Variants in EFNA5 observed in about 807,000 individuals in gnomAD.
EFNA5 encodes ephrin-A5.
A neutral mutation model predicts 22.9 loss-of-function variants in EFNA5; 5 were observed. The ratio of observed to expected loss-of-function variants is 0.22; its 90% CI spans 0.11 to 0.46. The LOEUF (loss-of-function observed/expected upper bound fraction) is 0.46. Among genes scored for constraint, EFNA5 ranks in the 20% least tolerant of loss-of-function variants. The pLI is 0.99. For synonymous variants in EFNA5, 113 were observed against 112.2 expected, an observed-to-expected ratio of 1.01 and a Z score of -0.04; for missense variants, 237 against 293.3, an observed-to-expected ratio of 0.81 and a Z score of 1.40.
At chr5:107,670,452 C>A (rs1310385312) in intron 1 of EFNA5, 37 bp downstream of exon 1, 1 of 1,533,110 alleles carries the variant, frequency 6.5e-7, no homozygotes, top group African/African-American at 1.4e-5. Context: ...GCCCCGAGGC[C>A]CGGGTAGCCC....
chr5:107,571,970 G>A (rs1003339897), intron 1 of EFNA5, among the ~76,000 whole-genome samples: 1 of 152,000 alleles, frequency 6.6e-6, no homozygotes, highest in Non-Finnish European at 1.5e-5. Context: ...CAGACGGCAG[G>A]GATGGCAAAG....
chr5:107,574,645 T>C (rs983053230), intron 1 of EFNA5, among the ~76,000 whole-genome samples: 1 of 152,142 alleles, frequency 6.6e-6, no homozygotes, highest in Admixed American at 6.5e-5. Context: ...CCTTAACTAA[T>C]GCTATTAAAA....
chr5:107,581,407 A>G (rs1749071136), intron 1 of EFNA5, among the ~76,000 whole-genome samples: 1 of 152,224 alleles, frequency 6.6e-6, no homozygotes, highest in African/African-American at 2.4e-5. Context: ...CAACAGAGAC[A>G]CGCTGTGCCT....
rs111328714 is a variant in EFNA5 at position 107,653,490 on chromosome 5, G to C, written c.125+16999C>G. ...GAGTGCTGACTAAGGAGGAACAATAGGAGGCTTTGAGCAGGGCTCAAGCCC... is the reference window on the plus strand; with the variant it reads ...GAGTGCTGACTAAGGAGGAACAATACGAGGCTTTGAGCAGGGCTCAAGCCC... On this transcript the variant is annotated intron_variant, in intron 1 of 4. Transcript: ENST00000333274. Among the ~76,000 whole-genome samples, 1,392 of 152,236 alleles carry C rather than the reference G, an allele frequency of 9.1e-3. 10 individuals carry two copies. Among genetic ancestry groups the C allele is most frequent in the Non-Finnish European group, 0.015 (1,040 of 68,012 alleles).
At chr5:107,557,978 C>T (rs1378784897) in intron 1 of EFNA5, among the ~76,000 whole-genome samples, 3 of 152,082 alleles carry the variant, frequency 2.0e-5, no homozygotes, top group Admixed American at 6.5e-5. Context: ...ATAGTATCTA[C>T]CCCCACGGTA....
chr5:107,400,287 T>C lies in EFNA5; in HGVS notation c.419-12516A>G, dbSNP rs374402499. ...AAATTTTTAGAAAGATTTAAAAAAA[T>C]GTATAACTTCAATAAGTCAAATATC... On this transcript the variant is annotated intron_variant, in intron 2 of 4. Transcript: ENST00000333274. Among the ~76,000 whole-genome samples the C allele has an allele frequency of 1.2e-4, 17 of 145,496 alleles. No homozygotes were observed. The East Asian group carries it at 2.9e-3, about 25-fold the overall frequency.
chr5:107,552,454 A>C (rs549080821), intron 1 of EFNA5, among the ~76,000 whole-genome samples: 2 of 152,336 alleles, frequency 1.3e-5, no homozygotes, highest in South Asian at 4.1e-4. Context: ...AGGCACAGAA[A>C]GCATAGGTAA....
intron 1 of EFNA5, among the ~76,000 whole-genome samples, chr5:107,479,243 C>T (rs934513530): frequency 2.3e-5 from 3 of 131,374 alleles, no homozygotes; most frequent in African/African-American, 5.8e-5. Flanking sequence ...TAGTTGCCAA[C>T]AAAAATAATT....
chr5:107,435,433 T>C (rs937453359), intron 1 of EFNA5, among the ~76,000 whole-genome samples: 14 of 151,500 alleles, frequency 9.2e-5, no homozygotes, highest in East Asian at 7.7e-4. Flanking sequence ...CAAATATTTG[T>C]TTTGTTAATT....
At chr5:107,524,479 G>C (rs1054838523) in intron 1 of EFNA5, among the ~76,000 whole-genome samples, 2 of 152,082 alleles carry the variant, frequency 1.3e-5, no homozygotes, top group African/African-American at 2.4e-5. Flanking sequence ...AAAAACAATA[G>C]GCAAGCTATA....
chr5:107,643,426 C>T (rs1345495761), intron 1 of EFNA5, among the ~76,000 whole-genome samples: 5 of 152,134 alleles, frequency 3.3e-5, no homozygotes, highest in Non-Finnish European at 7.4e-5. Context: ...TGATTGCTTC[C>T]TGATCATTCA....
chr5:107,414,990 C>A (rs982499229), intron 2 of EFNA5, among the ~76,000 whole-genome samples: 3 of 152,140 alleles, frequency 2.0e-5, no homozygotes, highest in Non-Finnish European at 4.4e-5. Flanking sequence ...GCTTTTCACA[C>A]ATGGATAAGA....
intron 1 of EFNA5, among the ~76,000 whole-genome samples, chr5:107,667,614 C>T (rs560052683): frequency 6.6e-6 from 1 of 152,176 alleles, no homozygotes; most frequent in African/African-American, 2.4e-5. Context: ...AGATTTACTT[C>T]GTTTAGACAC....
intron 1 of EFNA5, among the ~76,000 whole-genome samples, chr5:107,585,603 C>T (rs1749168555): frequency 6.6e-6 from 1 of 152,076 alleles, no homozygotes; most frequent in Non-Finnish European, 1.5e-5. Context: ...TCTGGATGAG[C>T]CAAATTATTA....
intron 1 of EFNA5, among the ~76,000 whole-genome samples, chr5:107,651,263 C>G (rs146053877): frequency 1.5e-3 from 229 of 152,262 alleles, no homozygotes; most frequent in African/African-American, 5.1e-3. Flanking sequence ...ACTTCCCTCA[C>G]AAGAGCTTTT....
At chr5:107,397,978 A>T (rs1185969695) in intron 2 of EFNA5, among the ~76,000 whole-genome samples, 1 of 152,156 alleles carries the variant, frequency 6.6e-6, no homozygotes, top group African/African-American at 2.4e-5. Context: ...CATACCACAG[A>T]ACAGCAGCCA....
chr5:107,577,365 T>C (rs536689833), intron 1 of EFNA5, among the ~76,000 whole-genome samples: 2 of 152,236 alleles, frequency 1.3e-5, no homozygotes, highest in South Asian at 2.1e-4. Context: ...ATAGTTTCTG[T>C]GAAATCTAAA....
At chr5:107,545,505 T>C (rs1477587174) in intron 1 of EFNA5, among the ~76,000 whole-genome samples, 2 of 152,210 alleles carry the variant, frequency 1.3e-5, no homozygotes, top group Non-Finnish European at 2.9e-5. Context: ...TGAAGTAAGC[T>C]ACCTGTTTCT....
intron 1 of EFNA5, among the ~76,000 whole-genome samples, chr5:107,463,584 T>C (rs1480944077): frequency 6.6e-6 from 1 of 152,168 alleles, no homozygotes; most frequent in Non-Finnish European, 1.5e-5. Context: ...ATTGTGATAC[T>C]TGGTAAAAAC....
Sources: allele counts gnomAD v4.1 joint callset (sites outside exome capture counted in the v4.1 genomes callset), GRCh38; gene constraint gnomAD v4.1.1; transcripts MANE v1.5; gene names NCBI Gene and HGNC (gene_info 2026-07-23, HGNC 2026-07-21).